TEX9: variants seen among roughly 807,000 people sequenced by gnomAD.
The protein encoded by TEX9 is testis-expressed protein 9.
In TEX9, 74 loss-of-function variants were observed where a neutral mutation model predicts 59.6. The observed-to-expected ratio is 1.24, with a 90% confidence interval of 1.03 to 1.51. The LOEUF (loss-of-function observed/expected upper bound fraction) is 1.51, where lower values mean the gene tolerates loss of function less well. Ranked by LOEUF, TEX9 falls within the 40% of genes most tolerant of loss-of-function variation. TEX9 has a pLI of 0.00. For missense variants in TEX9, 522 were observed against 447.8 expected (o/e 1.17, Z -1.49); for synonymous variants, 186 against 152.2 (o/e 1.22, Z -1.64).
intron 3 of TEX9, among the ~76,000 whole-genome samples, chr15:56,382,260 G>C (rs2047765727): frequency 6.6e-6 from 1 of 152,138 alleles, no homozygotes. Flanking sequence ...CAAGGGAGTG[G>C]GCTCCCCTCT....
intron 1 of TEX9, among the ~76,000 whole-genome samples, chr15:56,282,433 A>G (rs1333665611): frequency 6.6e-6 from 1 of 152,200 alleles, no homozygotes; most frequent in African/African-American, 2.4e-5. Flanking sequence ...CATCAAAAGT[A>G]GACATAATGC....
At chr15:56,397,487 T>C (rs1458965688) in intron 9 of TEX9, 1 of 152,272 alleles carries the variant, frequency 6.6e-6, no homozygotes, top group Non-Finnish European at 1.5e-5. Context: ...GCATAAGTCT[T>C]GAGGAGCTGA....
chr15:56,429,416 A>T lies in TEX9; in HGVS notation c.*29+943A>T, dbSNP rs1437692166. 1.0e-5 allele frequency: 4 copies of T among 400,770 alleles called. No individual in the cohort carries two copies. The Admixed American group carries it at 1.5e-4, about 15-fold the overall frequency. The allele number at this position is 400,770 out of a possible 1,614,324, so 24.8% of individuals were successfully genotyped here. On this transcript the variant is annotated intron_variant, in intron 12 of 12. Transcript: ENST00000352903. ...CCCAATTTTCTGATTTATCAGCTCT[A>T]GTGTAGGAGCTTTTCATAGGAATCT...
downstream of TEX9, among the ~76,000 whole-genome samples, chr15:56,450,607 G>A (rs891019047): frequency 3.9e-5 from 6 of 151,944 alleles, no homozygotes; most frequent in Admixed American, 6.6e-5. Context: ...TATAACTGAA[G>A]GATATTGTAT....
intron 1 of TEX9, among the ~76,000 whole-genome samples, chr15:56,262,090 C>T (rs760709080): frequency 6.6e-6 from 1 of 152,150 alleles, no homozygotes; most frequent in Non-Finnish European, 1.5e-5. Flanking sequence ...AAACTTGGTA[C>T]TAGGGAAAAC....
intron 1 of TEX9, among the ~76,000 whole-genome samples, chr15:56,344,140 A>G (rs1312152428): frequency 6.6e-6 from 1 of 152,198 alleles, no homozygotes; most frequent in Admixed American, 6.5e-5. Flanking sequence ...TGGAGTTATC[A>G]TATGACCCAG....
At chr15:56,416,422 A>C (rs2049689341) in intron 10 of TEX9, among the ~76,000 whole-genome samples, 1 of 151,928 alleles carries the variant, frequency 6.6e-6, no homozygotes, top group African/African-American at 2.4e-5. Context: ...TTTAACATAA[A>C]GGGTGTTGAA....
At chr15:56,439,028 G>A (rs977126168) in intron 12 of TEX9, among the ~76,000 whole-genome samples, 14 of 152,064 alleles carry the variant, frequency 9.2e-5, no homozygotes, top group African/African-American at 2.7e-4. Flanking sequence ...GTAGCTCTGG[G>A]CAGAAGACAT....
intron 3 of TEX9, among the ~76,000 whole-genome samples, chr15:56,382,207 A>T (rs748134419): frequency 4.6e-5 from 7 of 152,050 alleles, no homozygotes; most frequent in Non-Finnish European, 5.9e-5. Flanking sequence ...AGGGCTTTTC[A>T]GTCAGGTCGT....
chr15:56,292,548 A>G (rs2045120586), intron 1 of TEX9, among the ~76,000 whole-genome samples: 1 of 152,198 alleles, frequency 6.6e-6, no homozygotes, highest in East Asian at 1.9e-4. Context: ...CTACTCCACC[A>G]GGGCAAACCT....
chr15:56,439,388 T>C (rs1156357093), intron 12 of TEX9, among the ~76,000 whole-genome samples: 2 of 151,936 alleles, frequency 1.3e-5, no homozygotes, highest in African/African-American at 4.8e-5. Flanking sequence ...GCAAAAAATA[T>C]TTATAGAGAC....
At chr15:56,394,555 A>C (rs1567119840) in intron 8 of TEX9, 106 bp from the exon 9 acceptor site, 5 of 849,136 alleles carry the variant, frequency 5.9e-6, no homozygotes, top group Non-Finnish European at 7.2e-6. Flanking sequence ...TTTTTCATGA[A>C]ACGTGTATAA....
rs1331954981 is a variant in TEX9 at position 56,417,368 on chromosome 15, G to C, written c.963+4932G>C. 2.0e-5 allele frequency among the ~76,000 whole-genome samples: 3 copies of C among 151,676 alleles called. No homozygotes were observed. In the East Asian group the frequency reaches 5.8e-4, roughly 29 times the overall value. On this transcript the variant is annotated intron_variant, in intron 10 of 12. Transcript: ENST00000352903. Reference sequence around the variant, plus strand: ...GAATTTCCCTCTTAACTCTCCCTTAGCTGTGTTCTAGAGATTCTGGTATGT... The same window carrying C: ...GAATTTCCCTCTTAACTCTCCCTTACCTGTGTTCTAGAGATTCTGGTATGT...
the TEX9 span, among the ~76,000 whole-genome samples, chr15:56,459,990 C>CAAAAA: frequency 0.033 from 365 of 11,068 alleles, 91 homozygotes; most frequent in Non-Finnish European, 0.049. Context: ...AATTCTGTCT[C>CAAAAA]AAAAAAAAAA....
intron 5 of TEX9, among the ~76,000 whole-genome samples, chr15:56,388,858 A>G (rs772401191): frequency 6.6e-6 from 1 of 152,036 alleles, no homozygotes; most frequent in Non-Finnish European, 1.5e-5. Flanking sequence ...GGTGATTTGA[A>G]AAGTTTGTTT....
chr15:56,425,847 T>C (rs1176915462), intron 10 of TEX9, among the ~76,000 whole-genome samples: 2 of 152,146 alleles, frequency 1.3e-5, no homozygotes, highest in African/African-American at 4.8e-5. Flanking sequence ...TCTTGCAGAC[T>C]GGCTGCATGC....
chr15:56,254,173 A>AAATGCCGT (rs1430608741), intron 1 of TEX9, among the ~76,000 whole-genome samples: 1 of 152,112 alleles, frequency 6.6e-6, no homozygotes, highest in Non-Finnish European at 1.5e-5. Flanking sequence ...GGGACAAGAA[A>AAATGCCGT]AATGCCGTAA....
downstream of TEX9, among the ~76,000 whole-genome samples, chr15:56,446,158 A>G (rs1193701610): frequency 1.3e-5 from 2 of 151,944 alleles, no homozygotes; most frequent in African/African-American, 2.4e-5. Context: ...GTGTGTGTAC[A>G]TATGTTTATG....
At chr15:56,457,792 C>A in the TEX9 span, among the ~76,000 whole-genome samples, 1 of 150,384 alleles carries the variant, frequency 6.6e-6, no homozygotes, top group African/African-American at 2.5e-5. Context: ...TCCAGCTGGG[C>A]AACAGAGCAA....
Sources: allele counts gnomAD v4.1 joint callset (sites outside exome capture counted in the v4.1 genomes callset), GRCh38; gene constraint gnomAD v4.1.1; transcripts MANE v1.5; gene names NCBI Gene and HGNC (gene_info 2026-07-23, HGNC 2026-07-21).